KCNAB2: variants seen among roughly 807,000 people sequenced by gnomAD.
KCNAB2 encodes voltage-gated potassium channel subunit beta-2.
In KCNAB2, 29 loss-of-function variants were observed where a neutral mutation model predicts 63.6. That is an observed-to-expected ratio of 0.46 (90% CI 0.34 to 0.62). The LOEUF (loss-of-function observed/expected upper bound fraction) is 0.62. Ranked by LOEUF, KCNAB2 falls within the 20% of genes least tolerant of loss-of-function variation. The pLI is 0.01. For synonymous variants in KCNAB2, 222 were observed against 224.2 expected (o/e 0.99, Z 0.09); for missense variants, 359 against 563.9 (o/e 0.64, Z 3.68).
At chr1:6,092,569 C>A (rs1665279162) in intron 10 of KCNAB2, among the ~76,000 whole-genome samples, 1 of 152,248 alleles carries the variant, frequency 6.6e-6, no homozygotes, top group Non-Finnish European at 1.5e-5. Context: ...TGCATGCTCA[C>A]AGGTGCCCCG....
rs1355410399 is a variant in KCNAB2, at chr1:6,096,722, G to C, written c.1035G>C (p.Glu345Asp). 6.3e-7 allele frequency: 1 copy of C among 1,594,832 alleles called. No individual in the cohort carries two copies. The highest frequency in any genetic ancestry group is 1.8e-5 in the Admixed American group (1 of 56,574). Reference protein sequence around the residue: ...AKLKELQAIAERLGCTLPQLA... With the variant: ...AKLKELQAIADRLGCTLPQLA... ...TGAAGGAGCTGCAGGCCATCGCCGAGCGCCTGGGCTGCACCCTGCCCCAGC... is the reference window on the plus strand; with the variant it reads ...TGAAGGAGCTGCAGGCCATCGCCGACCGCCTGGGCTGCACCCTGCCCCAGC... The change falls in exon 14 of 16, where the codon GAG (glutamate) becomes GAC (aspartate). Residue 345 changes from glutamate (E) to aspartate (D), a missense_variant. Glu to Asp is a conservative substitution (Grantham distance 45). Transcript: ENST00000378083. This position sits in a 1 kb window ranked among gnomAD's most constrained non-coding sequence, Gnocchi z 5.9.
rs1271667302 is a variant in KCNAB2 at position 6,096,915 on chromosome 1, C to A, written c.1069+159C>A. On this transcript the variant is annotated intron_variant, in intron 14 of 15. Coordinates refer to ENST00000378083, the MANE Select transcript of KCNAB2 (RefSeq NM_001199862.2). This position sits in a 1 kb window ranked among gnomAD's most constrained non-coding sequence, Gnocchi z 5.9. Reference sequence around the variant, plus strand: ...CCAGCCAGCCTCGGGTAATCGGGCTCTAAGGGGCATGGTTGGGACCCCATG... The same window carrying A: ...CCAGCCAGCCTCGGGTAATCGGGCTATAAGGGGCATGGTTGGGACCCCATG... Among the ~76,000 whole-genome samples, 1 of 152,180 alleles carries A rather than the reference C, an allele frequency of 6.6e-6. No homozygotes were observed. Among genetic ancestry groups the A allele is most frequent in the African/African-American group, 2.4e-5 (1 of 41,434 alleles).
intron 4 of KCNAB2, among the ~76,000 whole-genome samples, chr1:6,080,776 C>T (rs1664141674): frequency 6.6e-6 from 1 of 152,206 alleles, no homozygotes; most frequent in Non-Finnish European, 1.5e-5. Flanking sequence ...CATGGGTGCC[C>T]CCCAGTGGTG....
intron 14 of KCNAB2, 140 bp from the exon 15 acceptor site, chr1:6,097,129 C>A: frequency 1.0e-6 from 1 of 962,550 alleles, no homozygotes; most frequent in Non-Finnish European, 1.5e-6. Context: ...AGCCCGTGCC[C>A]AGCACTGCAG....
In KCNAB2 at chr1:6,087,237, ACT is replaced by A. The variant is rs1284436636; in HGVS notation, c.426-228_426-227del. On this transcript the variant is annotated intron_variant, in intron 6 of 15. Transcript: ENST00000378083. The surrounding 1 kb of genome is among the most constrained non-coding windows in gnomAD (Gnocchi z 6.4). Reference sequence around the variant, plus strand: ...CCCACTGTCCAACTCCCACTGCCTGACTCACAGTTACTGCCTCGGTGGCTGCC... The same window carrying A: ...CCCACTGTCCAACTCCCACTGCCTGACACAGTTACTGCCTCGGTGGCTGCC... Among the ~76,000 whole-genome samples, 2 of 150,214 alleles carry A rather than the reference ACT, an allele frequency of 1.3e-5. No individual in the cohort carries two copies. Among genetic ancestry groups the A allele is most frequent in the African/African-American group, 4.9e-5 (2 of 40,676 alleles).
At chr1:6,048,696 G>T (rs1389907380) in intron 1 of KCNAB2, among the ~76,000 whole-genome samples, 1 of 152,248 alleles carries the variant, frequency 6.6e-6, no homozygotes, top group African/African-American at 2.4e-5. Context: ...CTTTCAGAAA[G>T]AGCCCTGGGG....
rs1659390721 is a variant in KCNAB2, at chr1:6,028,870, C to G, written c.-52-11647C>G. 6.6e-6 allele frequency among the ~76,000 whole-genome samples: 1 copy of G among 152,212 alleles called. No individual in the cohort carries two copies. Among genetic ancestry groups the G allele is most frequent in the African/African-American group, 2.4e-5 (1 of 41,442 alleles). The stretch of plus-strand genomic sequence containing the variant: ...AATACAAGGTGATCATTCTTAAGAC[C>G]TCGGGGATCTGCAAACCAGCCTTCT... On this transcript the variant is annotated intron_variant, in intron 1 of 16. Transcript: ENST00000341524. This position sits in a 1 kb window ranked among gnomAD's most constrained non-coding sequence, Gnocchi z 4.0.
rs1665507705 is a variant in KCNAB2, at chr1:6,095,133, T to G, written c.733-190T>G. 1.3e-5 allele frequency among the ~76,000 whole-genome samples: 2 copies of G among 152,176 alleles called. 1 individual carries two copies. Among genetic ancestry groups the G allele is most frequent in the South Asian group, 4.1e-4 (2 of 4,834 alleles). On this transcript the variant is annotated intron_variant, in intron 11 of 15. Transcript: ENST00000378083. Reference sequence around the variant, plus strand: ...CGGCCTGGGGGTCCCACCACCCACCTCCTTTTCCCAGCTCACCAGGGCCTG... The same window carrying G: ...CGGCCTGGGGGTCCCACCACCCACCGCCTTTTCCCAGCTCACCAGGGCCTG...
intron 1 of KCNAB2, among the ~76,000 whole-genome samples, chr1:6,022,442 ATTCAGTGGCATTGAGTGTACAG>A (rs1013785790): frequency 7.0e-6 from 1 of 143,380 alleles, no homozygotes; most frequent in African/African-American, 2.6e-5. Flanking sequence ...CGAGTGTGTA[ATTCAGTGGCATTGAGTGTACAG>A]TTCAGTGGTA....
At chr1:6,046,652 A>C (rs978504228) in intron 1 of KCNAB2, among the ~76,000 whole-genome samples, 3 of 152,196 alleles carry the variant, frequency 2.0e-5, no homozygotes, top group African/African-American at 7.2e-5. Context: ...CAGTTTGCTG[A>C]TTGTCCTTGA....
At chr1:6,009,971 G>A (rs763369904) in intron 1 of KCNAB2, among the ~76,000 whole-genome samples, 1 of 151,676 alleles carries the variant, frequency 6.6e-6, no homozygotes, top group Non-Finnish European at 1.5e-5. Flanking sequence ...CCCAGGCTCA[G>A]GCGATTCTCC....
At chr1:6,040,342 C>T (rs750390658) in intron 1 of KCNAB2, among the ~76,000 whole-genome samples, 6 of 152,108 alleles carry the variant, frequency 3.9e-5, no homozygotes, top group Non-Finnish European at 8.8e-5. Flanking sequence ...GACCTGCCTG[C>T]CTGCCGTGTG....
upstream of KCNAB2, among the ~76,000 whole-genome samples, chr1:6,032,333 C>T (rs1659683663): frequency 6.6e-6 from 1 of 152,146 alleles, no homozygotes; most frequent in African/African-American, 2.4e-5. Flanking sequence ...GTAATCCCAG[C>T]ACTTTGGGAG....
rs995003038 is a variant in KCNAB2, at chr1:6,087,294, C to G, written c.426-173C>G. Among the ~76,000 whole-genome samples the G allele has an allele frequency of 6.6e-6, 1 of 152,218 alleles. No individual in the cohort carries two copies. The highest frequency in any genetic ancestry group is 1.5e-5 in the Non-Finnish European group (1 of 68,040). ...GGCTCCATGAGGAGCCCACGCACCCCGGCTGGGCACGTGGTACACATCATA... is the reference window on the plus strand; with the variant it reads ...GGCTCCATGAGGAGCCCACGCACCCGGGCTGGGCACGTGGTACACATCATA... On this transcript the variant is annotated intron_variant, in intron 6 of 15. Coordinates refer to ENST00000378083, the MANE Select transcript of KCNAB2 (RefSeq NM_001199862.2). The surrounding 1 kb of genome is among the most constrained non-coding windows in gnomAD (Gnocchi z 6.4).
chr1:6,011,257 G>A (rs546465165), intron 1 of KCNAB2, among the ~76,000 whole-genome samples: 8 of 151,584 alleles, frequency 5.3e-5, no homozygotes, highest in East Asian at 1.9e-4. Context: ...TGCAGGAGGC[G>A]AGGCAGGCAG....
intron 1 of KCNAB2, among the ~76,000 whole-genome samples, chr1:6,006,665 TTCAC>T (rs1453825582): frequency 3.8e-4 from 3 of 7,992 alleles, no homozygotes; most frequent in Non-Finnish European, 5.6e-4. Flanking sequence ...CATCCCCCAC[TTCAC>T]CCTCCACCCC....
At position 6,035,186 on chromosome 1, in the gene KCNAB2, T is replaced by C. The variant is rs577057621; in HGVS notation, c.-53+392T>C. On this transcript the variant is annotated intron_variant, in intron 1 of 15. Transcript: ENST00000164247. The surrounding 1 kb of genome is among the most constrained non-coding windows in gnomAD (Gnocchi z 5.0). ...TGAAGCCCTGAGGTGGGAGTGAGTC[T>C]GTCTGCTGGGTTCACAGACCCCCAG... Among the ~76,000 whole-genome samples the C allele has an allele frequency of 6.7e-6, 1 of 149,116 alleles. No individual in the cohort carries two copies. Among genetic ancestry groups the C allele is most frequent in the East Asian group, 2.0e-4 (1 of 4,982 alleles).
chr1:6,073,673 C>T lies in KCNAB2; in HGVS notation c.263-60C>T, dbSNP rs564251151. 13 of 1,556,734 alleles carry T rather than the reference C, an allele frequency of 8.4e-6. No homozygotes were observed. Among genetic ancestry groups the T allele is most frequent in the South Asian group, 7.8e-5 (7 of 89,952 alleles). On this transcript the variant is annotated intron_variant, in intron 3 of 15. Coordinates refer to ENST00000378083, the MANE Select transcript of KCNAB2 (RefSeq NM_001199862.2). This position sits in a 1 kb window ranked among gnomAD's most constrained non-coding sequence, Gnocchi z 5.7. ...GCCCTACAGCCTGAGGTCTGAGCAC[C>T]GACGGGATAATCTGGCTTCCTGCCA... is the stretch of plus-strand genomic sequence containing the variant.
chr1:5,992,819 G>C (rs1489228565), intron 1 of KCNAB2: 10 of 151,466 alleles, frequency 6.6e-5, no homozygotes, highest in Admixed American at 6.6e-4. Context: ...GGCGGGGCGC[G>C]CTTTCCACCA....
Sources: allele counts gnomAD v4.1 joint callset (sites outside exome capture counted in the v4.1 genomes callset), GRCh38; gene constraint gnomAD v4.1.1; non-coding constraint Gnocchi (gnomAD v3.1); transcripts MANE v1.5; gene names NCBI Gene and HGNC (gene_info 2026-07-23, HGNC 2026-07-21).